The following GRID2 variants were observed in gnomAD, a reference collection of about 807,000 sequenced individuals.
GRID2 encodes the protein glutamate ionotropic receptor delta type subunit 2.
In GRID2, 33 loss-of-function variants were observed where a neutral mutation model predicts 114.8. The observed-to-expected ratio is 0.29, with a 90% CI of 0.22 to 0.38. The LOEUF (loss-of-function observed/expected upper bound fraction) is 0.38. GRID2 is among the 10% of genes least tolerant of loss of function. The pLI, the probability that GRID2 is intolerant of heterozygous loss-of-function variation, is 1.00. For synonymous variants in GRID2, 505 were observed against 449.9 expected, an observed-to-expected ratio of 1.12 and a Z score of -1.55; for missense variants, 1,184 against 1,257.7, an observed-to-expected ratio of 0.94 and a Z score of 0.89.
rs7698542 is a variant in GRID2 at position 93,513,553 on chromosome 4, C to A, written c.1998-1663C>A. On this transcript the variant is annotated intron_variant, in intron 12 of 15. Transcript: ENST00000282020. ...CATTTACATTATAGCTTTAGTTTAC[C>A]TTTTACAAATGGTAGAATCCGTTCA... Among the ~76,000 whole-genome samples the A allele has an allele frequency of 8.1e-3, 1,228 of 152,136 alleles. 12 individuals carry two copies. Among genetic ancestry groups the A allele is most frequent in the African/African-American group, 0.028 (1,142 of 41,490 alleles).
intron 4 of GRID2, chr4:93,111,942 A>C (rs950165016): frequency 6.6e-6 from 1 of 152,040 alleles, no homozygotes; most frequent in Non-Finnish European, 1.5e-5. Context: ...AGTAATATAA[A>C]ATTTTTCATT....
At chr4:93,524,117 C>A (rs113877631) in intron 13 of GRID2, among the ~76,000 whole-genome samples, 1 of 152,110 alleles carries the variant, frequency 6.6e-6, no homozygotes, top group African/African-American at 2.4e-5. Flanking sequence ...GGTATATGAC[C>A]TCAAAATCTG....
At chr4:92,748,584 G>T (rs1578139345) in intron 2 of GRID2, among the ~76,000 whole-genome samples, 2 of 151,362 alleles carry the variant, frequency 1.3e-5, no homozygotes, top group African/African-American at 2.4e-5. Context: ...AAGTCTTGAG[G>T]TTCACCTCCT....
intron 8 of GRID2, among the ~76,000 whole-genome samples, chr4:93,335,141 G>A (rs1334414100): frequency 1.3e-5 from 2 of 152,010 alleles, no homozygotes; most frequent in African/African-American, 2.4e-5. Flanking sequence ...ACTGTGTGAC[G>A]CAGTGATTTA....
chr4:92,598,105 G>A (rs1359419192), intron 2 of GRID2, among the ~76,000 whole-genome samples: 1 of 152,088 alleles, frequency 6.6e-6, no homozygotes, highest in East Asian at 1.9e-4. Flanking sequence ...TCATGCAATA[G>A]TTTGTTATCT....
chr4:93,680,873 A>T lies in GRID2; in HGVS notation c.2360+54438A>T, dbSNP rs564182206. 4.6e-5 allele frequency among the ~76,000 whole-genome samples: 7 copies of T among 152,054 alleles called. No individual in the cohort carries two copies. The East Asian group carries it at 7.7e-4, about 17-fold the overall frequency. ...CATTCCCTTTGAAAACTGGCACAAG[A>T]CAGGGATGCCCTCTCTCGCCACTCC... On this transcript the variant is annotated intron_variant, in intron 14 of 15. Coordinates refer to ENST00000282020, the MANE Select transcript of GRID2 (RefSeq NM_001510.4).
At position 92,883,192 on chromosome 4, in the gene GRID2, A is replaced by G. The variant is rs564683724; in HGVS notation, c.245-201803A>G. 4.6e-5 allele frequency among the ~76,000 whole-genome samples: 7 copies of G among 152,352 alleles called. No homozygotes were observed. The South Asian group carries it at 6.2e-4, about 14-fold the overall frequency. On this transcript the variant is annotated intron_variant, in intron 2 of 15. Transcript: ENST00000282020. Reference sequence around the variant, plus strand: ...CAACAAGATTTATAGCATCTTCACTAGGAGTAGATTCCACCTCAAGAAATC... The same window carrying G: ...CAACAAGATTTATAGCATCTTCACTGGGAGTAGATTCCACCTCAAGAAATC...
chr4:93,311,878 T>C (rs1047739313), intron 8 of GRID2, among the ~76,000 whole-genome samples: 10 of 152,218 alleles, frequency 6.6e-5, no homozygotes, highest in African/African-American at 2.4e-4. Context: ...GGTGATGTTA[T>C]TGAGGCAAAA....
At chr4:93,034,504 C>T (rs1249430609) in intron 2 of GRID2, among the ~76,000 whole-genome samples, 1 of 152,152 alleles carries the variant, frequency 6.6e-6, no homozygotes, top group African/African-American at 2.4e-5. Context: ...AATGCTTTCT[C>T]AGGTGTTATA....
At chr4:93,436,646 A>C (rs1721112624) in intron 10 of GRID2, among the ~76,000 whole-genome samples, 1 of 152,206 alleles carries the variant, frequency 6.6e-6, no homozygotes, top group African/African-American at 2.4e-5. Flanking sequence ...CATGTACACA[A>C]AAATTTAAAT....
At chr4:93,590,972 T>C (rs1738214409) in intron 13 of GRID2, among the ~76,000 whole-genome samples, 1 of 151,688 alleles carries the variant, frequency 6.6e-6, no homozygotes, top group Admixed American at 6.6e-5. Context: ...CGATGGGGTT[T>C]TCTAGATATA....
intron 13 of GRID2, among the ~76,000 whole-genome samples, chr4:93,547,535 C>T (rs1455928626): frequency 6.6e-6 from 1 of 152,182 alleles, no homozygotes; most frequent in Non-Finnish European, 1.5e-5. Context: ...GAATGTAAAA[C>T]AGTGATAATT....
intron 13 of GRID2, among the ~76,000 whole-genome samples, chr4:93,560,061 C>T (rs1476969146): frequency 1.3e-5 from 2 of 151,578 alleles, no homozygotes; most frequent in Non-Finnish European, 2.9e-5. Flanking sequence ...GGGAACATCA[C>T]ACACTGGGGC....
chr4:92,655,878 A>G (rs193246315), intron 2 of GRID2, among the ~76,000 whole-genome samples: 2 of 151,676 alleles, frequency 1.3e-5, no homozygotes, highest in Non-Finnish European at 2.9e-5. Flanking sequence ...TCCTGATTGC[A>G]CTGGCTAAGA....
At chr4:93,021,119 A>T (rs1723240369) in intron 2 of GRID2, among the ~76,000 whole-genome samples, 1 of 151,938 alleles carries the variant, frequency 6.6e-6, no homozygotes, top group Non-Finnish European at 1.5e-5. Flanking sequence ...ATAATTGATA[A>T]TTGATATTTC....
chr4:92,489,826 A>G (rs1723069338), intron 1 of GRID2, among the ~76,000 whole-genome samples: 1 of 150,978 alleles, frequency 6.6e-6, no homozygotes, highest in African/African-American at 2.4e-5. Flanking sequence ...AGCCTGGGCG[A>G]TAGAGCGAGA....
At chr4:93,498,667 A>C (rs1164402888) in intron 12 of GRID2, among the ~76,000 whole-genome samples, 1 of 151,682 alleles carries the variant, frequency 6.6e-6, no homozygotes, top group African/African-American at 2.4e-5. Flanking sequence ...TAGTTTTAGG[A>C]GTTTTTGGTA....
chr4:92,765,080 T>C (rs1390100635), intron 2 of GRID2, among the ~76,000 whole-genome samples: 2 of 152,176 alleles, frequency 1.3e-5, no homozygotes, highest in African/African-American at 4.8e-5. Context: ...TTTTCAGGCC[T>C]AAATGATAGT....
At chr4:92,717,975 T>A (rs1374911147) in intron 2 of GRID2, among the ~76,000 whole-genome samples, 2 of 152,178 alleles carry the variant, frequency 1.3e-5, no homozygotes, top group African/African-American at 4.8e-5. Context: ...AATATAAGGA[T>A]CCCATTTTTC....
Sources: allele counts gnomAD v4.1 joint callset (sites outside exome capture counted in the v4.1 genomes callset), GRCh38; gene constraint gnomAD v4.1.1; transcripts MANE v1.5; gene names NCBI Gene and HGNC (gene_info 2026-07-23, HGNC 2026-07-21).